Variants in RAB38 observed in about 807,000 individuals in gnomAD.
The protein encoded by RAB38 is ras-related protein Rab-38.
In RAB38, 15 loss-of-function variants were observed where a neutral mutation model predicts 18.4. That is an observed-to-expected ratio of 0.82 (90% CI 0.55 to 1.26). The LOEUF (loss-of-function observed/expected upper bound fraction) is 1.26, where lower values mean the gene tolerates loss of function less well. Ranked by LOEUF, RAB38 falls within the 50% of genes most tolerant of loss-of-function variation. RAB38 has a pLI of 0.00. For synonymous variants in RAB38, 101 were observed against 104.4 expected, an observed-to-expected ratio of 0.97 and a Z score of 0.20; for missense variants, 294 against 267.4, an observed-to-expected ratio of 1.10 and a Z score of -0.69.
At chr11:87,921,440 G>A in the RAB38 span, among the ~76,000 whole-genome samples, 1 of 151,584 alleles carries the variant, frequency 6.6e-6, no homozygotes, top group South Asian at 2.1e-4. Context: ...AGGTAGGCTC[G>A]GCTAAGCTAT....
chr11:87,813,889 G>A, the RAB38 span, among the ~76,000 whole-genome samples: 1 of 152,180 alleles, frequency 6.6e-6, no homozygotes, highest in Non-Finnish European at 1.5e-5. Flanking sequence ...TATCACTGCT[G>A]TTTCCCGTGG....
At chr11:87,888,389 A>G in the RAB38 span, among the ~76,000 whole-genome samples, 2 of 152,110 alleles carry the variant, frequency 1.3e-5, no homozygotes, top group African/African-American at 2.4e-5. Context: ...AAAGCATGTG[A>G]TAATGAAAAG....
the RAB38 span, among the ~76,000 whole-genome samples, chr11:87,900,187 A>AT: frequency 6.6e-6 from 1 of 151,688 alleles, no homozygotes; most frequent in Non-Finnish European, 1.5e-5. Context: ...TTTACAGGAG[A>AT]TTGACACTAC....
the RAB38 span, among the ~76,000 whole-genome samples, chr11:88,018,486 CA>C: frequency 2.0e-5 from 3 of 152,106 alleles, no homozygotes; most frequent in Admixed American, 6.6e-5. Flanking sequence ...TCCTTTATGG[CA>C]AAACACCTCA....
At chr11:87,938,004 T>G in the RAB38 span, among the ~76,000 whole-genome samples, 2 of 151,998 alleles carry the variant, frequency 1.3e-5, no homozygotes, top group African/African-American at 4.8e-5. Context: ...GCTTTACATA[T>G]AATAAGTGAC....
chr11:87,849,311 C>T, the RAB38 span, among the ~76,000 whole-genome samples: 1 of 152,134 alleles, frequency 6.6e-6, no homozygotes, highest in Non-Finnish European at 1.5e-5. Context: ...TTAATAGTCA[C>T]CTTCCCTCAT....
the RAB38 span, among the ~76,000 whole-genome samples, chr11:88,037,829 T>C: frequency 2.0e-5 from 3 of 152,162 alleles, no homozygotes; most frequent in African/African-American, 7.2e-5. Flanking sequence ...TTTTACTGTG[T>C]ATCTTATATA....
chr11:87,946,961 G>A, the RAB38 span, among the ~76,000 whole-genome samples: 44,066 of 150,868 alleles, frequency 0.29, 6,679 homozygotes, highest in South Asian at 0.41. Context: ...CTGAGGAATC[G>A]CCACACTGAC....
chr11:88,105,436 A>C, the RAB38 span, among the ~76,000 whole-genome samples: 1 of 152,174 alleles, frequency 6.6e-6, no homozygotes, highest in African/African-American at 2.4e-5. Flanking sequence ...AATCAATGCA[A>C]TCTGTTCTGA....
At chr11:87,811,283 A>G in the RAB38 span, among the ~76,000 whole-genome samples, 7 of 152,118 alleles carry the variant, frequency 4.6e-5, no homozygotes, top group Admixed American at 4.6e-4. Context: ...TGGCCTCTGC[A>G]TTCAGTTAAC....
chr11:87,885,844 A>T, the RAB38 span, among the ~76,000 whole-genome samples: 1 of 151,988 alleles, frequency 6.6e-6, no homozygotes, highest in African/African-American at 2.4e-5. Flanking sequence ...ACTTATATCA[A>T]TCAAAGAATA....
the RAB38 span, among the ~76,000 whole-genome samples, chr11:88,022,611 CAAAAAA>C: frequency 5.8e-5 from 3 of 52,102 alleles, no homozygotes; most frequent in South Asian, 1.0e-3. Flanking sequence ...AAAGACCCCA[CAAAAAA>C]AAAAAAAAAA....
chr11:87,828,084 AG>A, the RAB38 span, among the ~76,000 whole-genome samples: 1 of 152,202 alleles, frequency 6.6e-6, no homozygotes, highest in African/African-American at 2.4e-5. Flanking sequence ...AGTGGGTGAA[AG>A]GTATATGGAA....
the RAB38 span, among the ~76,000 whole-genome samples, chr11:87,948,912 T>C: frequency 6.6e-6 from 1 of 152,068 alleles, no homozygotes; most frequent in Non-Finnish European, 1.5e-5. Context: ...ATAAAATGAG[T>C]TAGGGAGGAT....
chr11:88,159,029 G>A (rs751855223), intron 1 of RAB38, among the ~76,000 whole-genome samples: 3 of 151,646 alleles, frequency 2.0e-5, no homozygotes, highest in African/African-American at 7.3e-5. Flanking sequence ...TAATGACTAC[G>A]AGAACTATAA....
the RAB38 span, among the ~76,000 whole-genome samples, chr11:87,893,390 A>ATATATATATATATATTTTT: frequency 1.0e-2 from 934 of 93,848 alleles, 8 homozygotes; most frequent in South Asian, 0.014. Context: ...ATATATATAT[A>ATATATATATATATATTTTT]TTTTTTTTTT....
chr11:88,011,381 C>G, the RAB38 span, among the ~76,000 whole-genome samples: 1 of 152,194 alleles, frequency 6.6e-6, no homozygotes, highest in Non-Finnish European at 1.5e-5. Flanking sequence ...AGGCCCATCT[C>G]TATCAAGATG....
At chr11:88,049,412 C>G in the RAB38 span, among the ~76,000 whole-genome samples, 1 of 152,090 alleles carries the variant, frequency 6.6e-6, no homozygotes, top group Non-Finnish European at 1.5e-5. Context: ...AAAGCTCCCC[C>G]ACTGAGCACC....
chr11:87,933,057 C>T, the RAB38 span, among the ~76,000 whole-genome samples: 481 of 152,166 alleles, frequency 3.2e-3, 3 homozygotes, highest in African/African-American at 0.011. Context: ...CACAATATCA[C>T]GTATGGAGGT....
Sources: allele counts gnomAD v4.1 joint callset (sites outside exome capture counted in the v4.1 genomes callset), GRCh38; gene constraint gnomAD v4.1.1; transcripts MANE v1.5; gene names NCBI Gene and HGNC (gene_info 2026-07-23, HGNC 2026-07-21).